The following BMPR1B variants were observed in gnomAD, a reference collection of about 807,000 sequenced individuals.
The protein encoded by BMPR1B is bone morphogenetic protein receptor type-1B.
In BMPR1B, 12 loss-of-function variants were observed where a neutral mutation model predicts 59.1. The observed-to-expected ratio is 0.20, with a 90% CI of 0.13 to 0.33. The LOEUF (loss-of-function observed/expected upper bound fraction) is 0.33. Among genes scored for constraint, BMPR1B ranks in the 10% least tolerant of loss-of-function variants. The probability of loss-of-function intolerance (pLI) is 1.00; values close to 1 mark genes in which losing one functional copy is unlikely to be tolerated. For missense variants in BMPR1B, 550 were observed against 610.9 expected, an observed-to-expected ratio of 0.90 and a Z score of 1.05; for synonymous variants, 237 against 207.3, an observed-to-expected ratio of 1.14 and a Z score of -1.23.
chr4:94,767,066 G>A (rs1293074897), intron 1 of BMPR1B, among the ~76,000 whole-genome samples: 1 of 152,078 alleles, frequency 6.6e-6, no homozygotes, highest in African/African-American at 2.4e-5. Context: ...AGTCATTCCA[G>A]TCTTCTAGCC....
chr4:94,922,474 G>A (rs1372087746), intron 2 of BMPR1B, among the ~76,000 whole-genome samples: 2 of 152,186 alleles, frequency 1.3e-5, no homozygotes, highest in South Asian at 4.2e-4. Context: ...GTTTCGTTTT[G>A]CAGACTACAG....
chr4:94,856,714 T>C (rs1469461312), intron 1 of BMPR1B, among the ~76,000 whole-genome samples: 1 of 152,294 alleles, frequency 6.6e-6, no homozygotes, highest in African/African-American at 2.4e-5. Flanking sequence ...CCAAACTGTT[T>C]TGTGGTAGAT....
chr4:94,829,272 T>C (rs2110667624), intron 1 of BMPR1B, among the ~76,000 whole-genome samples: 1 of 152,114 alleles, frequency 6.6e-6, no homozygotes, highest in East Asian at 1.9e-4. Flanking sequence ...CAATAGGGCA[T>C]AATTTCTTTA....
At chr4:94,963,332 G>A (rs1730441549) in intron 2 of BMPR1B, among the ~76,000 whole-genome samples, 1 of 151,968 alleles carries the variant, frequency 6.6e-6, no homozygotes, top group Non-Finnish European at 1.5e-5. Flanking sequence ...TGTTATGCAG[G>A]AGCTTTTCAG....
At position 94,922,706 on chromosome 4, in the gene BMPR1B, C is replaced by T. The variant is rs150585764; in HGVS notation, c.-113+46806C>T. 2.0e-5 allele frequency among the ~76,000 whole-genome samples: 3 copies of T among 152,060 alleles called. No individual in the cohort carries two copies. The East Asian group carries it at 5.8e-4, about 29-fold the overall frequency. On this transcript the variant is annotated intron_variant, in intron 2 of 12. Coordinates refer to ENST00000515059, the MANE Select transcript of BMPR1B (RefSeq NM_001203.3). ...TGCACTGACTGTGTGGAAAATTACT[C>T]CTGAAAGCCAGATTTTGTCTCTGGG...
intron 1 of BMPR1B, among the ~76,000 whole-genome samples, chr4:94,777,792 G>A (rs1031977979): frequency 2.0e-5 from 3 of 152,050 alleles, no homozygotes; most frequent in African/African-American, 7.2e-5. Flanking sequence ...TTGGGAGGCT[G>A]AGGTGGATGG....
rs947790944 is a variant in BMPR1B at position 95,053,281 on chromosome 4, T to TTTGTGTGTGTGTG, written c.-17-51126_-17-51125insTGTGTGTGTGTGT. Among the ~76,000 whole-genome samples, 145 of 134,324 alleles carry TTTGTGTGTGTGTG rather than the reference T, an allele frequency of 1.1e-3. 1 individual carries two copies. The highest frequency in any genetic ancestry group is 3.9e-3 in the African/African-American group (142 of 36,204). 88.1% of individuals were successfully genotyped at this position (134,324 alleles called of 152,430 possible). A position where few individuals can be genotyped will look rare whatever the true frequency, so the allele number is the denominator to read the frequency against. On this transcript the variant is annotated intron_variant, in intron 3 of 12. Coordinates refer to ENST00000515059, the MANE Select transcript of BMPR1B (RefSeq NM_001203.3). ...TTAAAAAGCTCCCTTTGCAGGGCAC[T>TTTGTGTGTGTGTG]TGTGTGTGTGTGTGTGTGTGTGTGT...
At position 94,781,079 on chromosome 4, in the gene BMPR1B, T is replaced by C. The variant is rs553996467; in HGVS notation, c.-183+23011T>C. On this transcript the variant is annotated intron_variant, in intron 1 of 12. Transcript: ENST00000515059. ...TTTGCATCTTTCTGATGGCTAATGA[T>C]ATCAAGCATGTTTTCATGTGCTTAT... Among the ~76,000 whole-genome samples, 3 of 152,336 alleles carry C rather than the reference T, an allele frequency of 2.0e-5. No homozygotes were observed. The South Asian group carries it at 6.2e-4, about 32-fold the overall frequency.
At chr4:94,863,492 A>G (rs1324905383) in intron 1 of BMPR1B, among the ~76,000 whole-genome samples, 3 of 152,206 alleles carry the variant, frequency 2.0e-5, no homozygotes. Flanking sequence ...TAACAGTGCT[A>G]GCATTTTCTT....
intron 3 of BMPR1B, among the ~76,000 whole-genome samples, chr4:95,032,709 T>A (rs1724959600): frequency 6.6e-6 from 1 of 152,126 alleles, no homozygotes; most frequent in Non-Finnish European, 1.5e-5. Context: ...TTTTCTTCCT[T>A]TTTAAGGCTG....
chr4:95,011,222 G>GCTC (rs1377580511), intron 3 of BMPR1B, among the ~76,000 whole-genome samples: 1 of 151,816 alleles, frequency 6.6e-6, no homozygotes, highest in Non-Finnish European at 1.5e-5. Flanking sequence ...TATTTTTTCT[G>GCTC]CTCCTCTCCC....
intron 3 of BMPR1B, among the ~76,000 whole-genome samples, chr4:95,029,138 G>T (rs1388165395): frequency 6.6e-6 from 1 of 151,242 alleles, no homozygotes; most frequent in African/African-American, 2.4e-5. Context: ...GGGTACATAT[G>T]CACAATGTGC....
At chr4:95,063,217 A>G (rs1224498091) in intron 3 of BMPR1B, among the ~76,000 whole-genome samples, 1 of 152,196 alleles carries the variant, frequency 6.6e-6, no homozygotes, top group Non-Finnish European at 1.5e-5. Flanking sequence ...ACAATAACTA[A>G]CATATTCCAT....
intron 2 of BMPR1B, among the ~76,000 whole-genome samples, chr4:94,905,524 G>C (rs998554641): frequency 6.6e-6 from 1 of 151,900 alleles, no homozygotes; most frequent in African/African-American, 2.4e-5. Flanking sequence ...TGAAAATAAG[G>C]CTTTTTAAGG....
chr4:94,865,262 C>T (rs1364290626), intron 1 of BMPR1B, among the ~76,000 whole-genome samples: 1 of 151,984 alleles, frequency 6.6e-6, no homozygotes, highest in African/African-American at 2.4e-5. Context: ...CCACTTTGGC[C>T]TCCCAAATAA....
chr4:94,889,172 G>A (rs895246573), intron 2 of BMPR1B, among the ~76,000 whole-genome samples: 8 of 151,942 alleles, frequency 5.3e-5, no homozygotes, highest in African/African-American at 1.7e-4. Flanking sequence ...TAACAATGGC[G>A]ATGTTTCAAA....
intron 1 of BMPR1B, among the ~76,000 whole-genome samples, chr4:94,838,768 G>A (rs1470720648): frequency 1.5e-5 from 2 of 129,076 alleles, no homozygotes; most frequent in Non-Finnish European, 1.7e-5. Flanking sequence ...CTTCAGTTCT[G>A]CTCTGATTTT....
chr4:94,833,191 TCAAAAAA>T (rs1724670239), intron 1 of BMPR1B, among the ~76,000 whole-genome samples: 1 of 66,926 alleles, frequency 1.5e-5, no homozygotes. Flanking sequence ...AGACTCTTTC[TCAAAAAA>T]AAAAAAAAAA....
intron 1 of BMPR1B, among the ~76,000 whole-genome samples, chr4:94,845,158 AG>A: frequency 6.6e-6 from 1 of 152,250 alleles, no homozygotes; most frequent in Middle Eastern, 3.4e-3. Context: ...TATTTCGTAG[AG>A]GTTTTAATTA....
Sources: allele counts gnomAD v4.1 joint callset (sites outside exome capture counted in the v4.1 genomes callset), GRCh38; gene constraint gnomAD v4.1.1; transcripts MANE v1.5; gene names NCBI Gene and HGNC (gene_info 2026-07-23, HGNC 2026-07-21).